The following ZSWIM6 variants were observed in gnomAD, a reference collection of about 807,000 sequenced individuals.
ZSWIM6 encodes zinc finger SWIM-type containing 6.
Under a neutral mutation model 113.2 loss-of-function variants are expected in ZSWIM6, and 9 were observed. The ratio of observed to expected loss-of-function variants is 0.08; its 90% confidence interval spans 0.05 to 0.14. The LOEUF is 0.14. Among genes scored for constraint, ZSWIM6 ranks in the 10% least tolerant of loss-of-function variants. ZSWIM6 has a pLI of 1.00. For missense variants in ZSWIM6, 1,162 were observed against 1,552.2 expected (o/e 0.75, Z 4.22); for synonymous variants, 611 against 606.5 (o/e 1.01, Z -0.11).
At chr5:61,392,670 T>C (rs1745747418) in intron 1 of ZSWIM6, among the ~76,000 whole-genome samples, 1 of 152,090 alleles carries the variant, frequency 6.6e-6, no homozygotes, top group Non-Finnish European at 1.5e-5. Flanking sequence ...TGGAGTGCAA[T>C]GGCGTGATCG....
chr5:61,517,956 A>G (rs1260893055), intron 4 of ZSWIM6, among the ~76,000 whole-genome samples: 9 of 76,800 alleles, frequency 1.2e-4, no homozygotes, highest in Admixed American at 6.9e-4. Flanking sequence ...ACCCCACAAC[A>G]GTCCCCAGAG....
intron 10 of ZSWIM6, among the ~76,000 whole-genome samples, chr5:61,537,101 A>G (rs1580071467): frequency 6.6e-6 from 1 of 152,318 alleles, no homozygotes; most frequent in East Asian, 1.9e-4. Context: ...TGCTGTTGCT[A>G]CTACCACTGG....
At chr5:61,415,870 A>G (rs1354900177) in intron 1 of ZSWIM6, among the ~76,000 whole-genome samples, 1 of 152,250 alleles carries the variant, frequency 6.6e-6, no homozygotes, top group African/African-American at 2.4e-5. Context: ...TTTGTTTTAA[A>G]CAACTGAGAA....
intron 1 of ZSWIM6, among the ~76,000 whole-genome samples, chr5:61,380,356 A>C (rs1745450041): frequency 6.6e-6 from 1 of 152,154 alleles, no homozygotes; most frequent in Non-Finnish European, 1.5e-5. Flanking sequence ...CATTACAGGC[A>C]TGAGCCACTG....
In ZSWIM6 at chr5:61,539,742, C is replaced by G; in HGVS notation, c.2686C>G (p.Leu896Val). The G allele has an allele frequency of 6.4e-7, 1 of 1,551,298 alleles. No individual in the cohort carries two copies. Among genetic ancestry groups the G allele is most frequent in the East Asian group, 2.4e-5 (1 of 40,922 alleles). ...AGACATCACTCTTTTGAAAGTGTCTCTGGAGCTGGGCCTGCAGGTACATGA... is the reference window on the plus strand; with the variant it reads ...AGACATCACTCTTTTGAAAGTGTCTGTGGAGCTGGGCCTGCAGGTACATGA... ...LPDITLLKVSLELGLQVMRMT... is the reference protein window; with the variant it reads ...LPDITLLKVSVELGLQVMRMT... The change falls in exon 12 of 14, where the codon CTG becomes GTG. Residue 896 changes from leucine to valine, a missense_variant. Transcript: ENST00000252744.
At chr5:61,420,606 T>G (rs1196733805) in intron 1 of ZSWIM6, among the ~76,000 whole-genome samples, 1 of 152,052 alleles carries the variant, frequency 6.6e-6, no homozygotes, top group Non-Finnish European at 1.5e-5. Flanking sequence ...GTAGAGAGTG[T>G]GTAGGGAGGT....
chr5:61,430,318 A>G (rs1249115715), intron 1 of ZSWIM6, among the ~76,000 whole-genome samples: 1 of 152,176 alleles, frequency 6.6e-6, no homozygotes, highest in Non-Finnish European at 1.5e-5. Context: ...GTTTGTTTTG[A>G]ATTGTTGATA....
chr5:61,352,838 G>A (rs1476132737), intron 1 of ZSWIM6, among the ~76,000 whole-genome samples: 3 of 152,190 alleles, frequency 2.0e-5, no homozygotes, highest in African/African-American at 7.2e-5. Context: ...CAAGATGGTG[G>A]TAGGTGTGTA....
chr5:61,332,339 GGC>G lies in ZSWIM6; in HGVS notation c.69_70del (p.Gly24ArgfsTer75). ...RLCCRPGGGG[G>X]GGGSSGGGGG... The stretch of plus-strand genomic sequence containing the variant: ...TTGCTGCCGGCCGGGCGGCGGCGGC[GGC>G]GGCGGGGGCAGCAGCGGCGGCGGCG... On this transcript the variant is annotated frameshift_variant, in exon 1 of 14. Transcript: ENST00000252744. LOFTEE classifies it high-confidence loss of function. The G allele has an allele frequency of 9.4e-7, 1 of 1,065,984 alleles. No individual in the cohort carries two copies. Among genetic ancestry groups the G allele is most frequent in the Non-Finnish European group, 1.2e-6 (1 of 867,750 alleles). 66.0% of individuals were successfully genotyped at this position (1,065,984 alleles called of 1,614,324 possible). A position where few individuals can be genotyped will look rare whatever the true frequency, so the allele number is the denominator to read the frequency against.
At chr5:61,393,450 A>G (rs1745772945) in intron 1 of ZSWIM6, among the ~76,000 whole-genome samples, 1 of 152,206 alleles carries the variant, frequency 6.6e-6, no homozygotes, top group African/African-American at 2.4e-5. Context: ...CTGAGGGCAA[A>G]TTTCTAGAAG....
At chr5:61,438,179 C>G (rs1291168305) in intron 1 of ZSWIM6, among the ~76,000 whole-genome samples, 6 of 151,936 alleles carry the variant, frequency 3.9e-5, no homozygotes. Context: ...TCAGAGTTTA[C>G]AGAAAAAAAT....
Position 61,393,236 on chromosome 5 carries a change from C to T in ZSWIM6, c.676+60288C>T, listed in dbSNP as rs181180396. On this transcript the variant is annotated intron_variant, in intron 1 of 13. Coordinates refer to ENST00000252744, the MANE Select transcript of ZSWIM6 (RefSeq NM_020928.2). ...TTTTTTTTTGTATTTTTAGTAGAGA[C>T]GGGGTTTCACCACACTGGTCAGGCT... Among the ~76,000 whole-genome samples, 1,181 of 151,096 alleles carry T rather than the reference C, an allele frequency of 7.8e-3. 8 individuals are homozygous for T. The highest frequency in any genetic ancestry group is 0.014 in the Non-Finnish European group (955 of 67,796).
chr5:61,478,596 A>G (rs7723653), intron 2 of ZSWIM6, among the ~76,000 whole-genome samples: 23,130 of 152,040 alleles, frequency 0.15, 1,852 homozygotes, highest in Non-Finnish European at 0.18. Context: ...TAGTATGGAT[A>G]TATTTAGCTT....
intron 9 of ZSWIM6, among the ~76,000 whole-genome samples, chr5:61,532,722 T>C (rs550535865): frequency 6.6e-6 from 1 of 152,330 alleles, no homozygotes; most frequent in South Asian, 2.1e-4. Context: ...AATAGCATGC[T>C]TAATTTTGGT....
intron 1 of ZSWIM6, among the ~76,000 whole-genome samples, chr5:61,360,871 C>T (rs1304121406): frequency 6.6e-6 from 1 of 152,140 alleles, no homozygotes; most frequent in Non-Finnish European, 1.5e-5. Context: ...TTGTTTTCGC[C>T]TTGTCTCACT....
chr5:61,480,056 T>C (rs1195810051), intron 2 of ZSWIM6, among the ~76,000 whole-genome samples: 2 of 152,218 alleles, frequency 1.3e-5, no homozygotes, highest in Non-Finnish European at 2.9e-5. Flanking sequence ...CTTAAATATT[T>C]ATATTTGTGT....
chr5:61,439,397 T>C (rs769003260), intron 1 of ZSWIM6, among the ~76,000 whole-genome samples: 8 of 152,214 alleles, frequency 5.3e-5, no homozygotes, highest in Admixed American at 6.5e-5. Context: ...TAAAAATGCT[T>C]ATAACTAAAA....
intron 1 of ZSWIM6, 63 bp downstream of exon 1, chr5:61,333,011 G>GGGGCCCCC: frequency 1.0e-6 from 1 of 1,003,872 alleles, no homozygotes; most frequent in Non-Finnish European, 1.2e-6. Context: ...GGGGGGGGGT[G>GGGGCCCCC]CCCGCCTTTC....
intron 1 of ZSWIM6, among the ~76,000 whole-genome samples, chr5:61,346,358 G>C (rs1392444042): frequency 2.0e-5 from 3 of 152,158 alleles, no homozygotes; most frequent in Non-Finnish European, 4.4e-5. Flanking sequence ...AGAATATCAA[G>C]TTCATTGAAC....
Sources: gnomAD v4.1 joint callset for allele counts (sites outside exome capture counted in the v4.1 genomes callset) on GRCh38, gnomAD v4.1.1 for gene constraint, MANE v1.5 for transcripts, NCBI Gene and HGNC (gene_info 2026-07-23, HGNC 2026-07-21) for gene names.